Variants in TYRO3 observed in about 807,000 individuals in gnomAD.
TYRO3 encodes the protein tyrosine-protein kinase receptor TYRO3.
Under a neutral mutation model 95.2 loss-of-function variants are expected in TYRO3, and 38 were observed. The observed-to-expected ratio is 0.40, with a 90% CI of 0.31 to 0.52. TYRO3 has a LOEUF of 0.52. TYRO3 is among the 20% of genes least tolerant of loss of function. The pLI, the probability that TYRO3 is intolerant of heterozygous loss-of-function variation, is 0.56. For synonymous variants in TYRO3, 367 were observed against 432.9 expected (o/e 0.85, Z 1.89); for missense variants, 812 against 1,116.4 (o/e 0.73, Z 3.89).
At position 41,573,732 on chromosome 15, in the gene TYRO3, T is replaced by C; in HGVS notation, c.2199T>C (p.Tyr733=). 1.2e-6 allele frequency: 2 copies of C among 1,614,274 alleles called. No individual in the cohort carries two copies. The highest frequency in any genetic ancestry group is 1.1e-5 in the South Asian group (1 of 91,090). ...WEIMTRGQTP[Y]AGIENAEIYN... ...TCATGACACGTGGGCAGACGCCATA[T>C]GCTGGCATCGAAAACGCTGAGATTT... The change falls in exon 18 of 19, where the codon TAT becomes TAC. Residue 733 remains tyrosine (Y), a synonymous_variant. Coordinates refer to ENST00000263798, the MANE Select transcript of TYRO3 (RefSeq NM_006293.4).
At chr15:41,571,549 G>A in intron 13 of TYRO3, 46 bp from the exon 14 acceptor site, 1 of 1,348,278 alleles carries the variant, frequency 7.4e-7, no homozygotes, top group Non-Finnish European at 1.1e-6. Context: ...TCAAAACTAG[G>A]GGCACATCTT....
chr15:41,580,316 CTGACCAACATGG>C lies in TYRO3; in HGVS notation c.*2045_*2056del, dbSNP rs1360597448. On this transcript the variant is annotated 3_prime_UTR_variant, in exon 19 of 19. Transcript: ENST00000263798. ...ACGAGGTCAGAAGTTCAAGACTAGT[CTGACCAACATGG>C]TGACACCCCGTCTTTACTAAAAATA... 6.6e-6 allele frequency: 1 copy of C among 151,168 alleles called. No individual in the cohort carries two copies. The highest frequency in any genetic ancestry group is 2.0e-4 in the East Asian group (1 of 5,072). The allele number at this position is 151,168 out of a possible 1,614,324, so 9.4% of individuals were successfully genotyped here.
At position 41,562,671 on chromosome 15, in the gene TYRO3, C is replaced by T. The variant is rs142723750; in HGVS notation, c.533C>T (p.Thr178Met). ...PVTIVWWRGTTKIGGPAPSPS... is the reference protein window; with the variant it reads ...PVTIVWWRGTMKIGGPAPSPS... ...ACCATTGTCTGGTGGAGAGGAACTACGAAGATCGGGGGACCCGCTCCCTCT... is the reference window on the plus strand; with the variant it reads ...ACCATTGTCTGGTGGAGAGGAACTATGAAGATCGGGGGACCCGCTCCCTCT... The change falls in exon 4 of 19, where the codon ACG (threonine) becomes ATG (methionine). Residue 178 changes from threonine to methionine, a missense_variant. By Grantham distance (81) the Thr-to-Met change is moderately conservative (BLOSUM62 -1). Coordinates refer to ENST00000263798, the MANE Select transcript of TYRO3 (RefSeq NM_006293.4). The T allele has an allele frequency of 5.1e-5, 83 of 1,614,032 alleles. No individual in the cohort carries two copies. The highest frequency in any genetic ancestry group is 3.3e-5 in the South Asian group (3 of 91,074).
At chr15:41,574,839 C>T in intron 18 of TYRO3, 1 of 429,774 alleles carries the variant, frequency 2.3e-6, no homozygotes, top group Admixed American at 2.5e-5. Context: ...CCCTCCCCAG[C>T]CTTCCAAGTA....
At chr15:41,572,199 A>T (rs2055805324) in intron 14 of TYRO3, among the ~76,000 whole-genome samples, 1 of 152,200 alleles carries the variant, frequency 6.6e-6, no homozygotes, top group Non-Finnish European at 1.5e-5. Context: ...CTGTTTCAGA[A>T]AAAACAAAGA....
At chr15:41,570,429 G>A in intron 11 of TYRO3, 89 bp downstream of exon 11, 1 of 1,476,376 alleles carries the variant, frequency 6.8e-7, no homozygotes, top group Admixed American at 1.7e-5. Flanking sequence ...TGACTGATAT[G>A]TCTGAACATC....
rs1183744856 is a variant in TYRO3 at position 41,577,875 on chromosome 15, C to G, written c.2283-11C>G. On this transcript the variant is annotated splice_polypyrimidine_tract_variant and intron_variant, in intron 18 of 18. Transcript: ENST00000263798. ...GGCTCCTGCCTTTTCTCACGCTTCT[C>G]TCCACCCCAGGTATGATCTCATGTA... The G allele has an allele frequency of 8.1e-7, 1 of 1,238,562 alleles. No homozygotes were observed. Among genetic ancestry groups the G allele is most frequent in the Non-Finnish European group, 1.1e-6 (1 of 904,170 alleles). 76.7% of individuals were successfully genotyped at this position (1,238,562 alleles called of 1,614,324 possible).
At position 41,573,568 on chromosome 15, in the gene TYRO3, C is replaced by T. The variant is rs552160189; in HGVS notation, c.2145+101C>T. On this transcript the variant is annotated intron_variant, in intron 17 of 18. Transcript: ENST00000263798. ...AAGTCTGCTCTCTGGGGTTTGGTTG[C>T]CCCCTGATGAGGCCCTGAGCCCCAG... The T allele has an allele frequency of 2.8e-5, 41 of 1,466,656 alleles. 1 individual carries two copies. The South Asian group carries it at 4.4e-4, about 16-fold the overall frequency. The allele number at this position is 1,466,656 out of a possible 1,614,324, so 90.9% of individuals were successfully genotyped here.
chr15:41,578,626 C>G lies in TYRO3; in HGVS notation c.*350C>G, dbSNP rs576025655. Reference sequence around the variant, plus strand: ...GCAGGTCCAGCTCTGTGGGCCCTACCCTCCTGCTGAGCTGCCCCTGCTGCT... The same window carrying G: ...GCAGGTCCAGCTCTGTGGGCCCTACGCTCCTGCTGAGCTGCCCCTGCTGCT... On this transcript the variant is annotated 3_prime_UTR_variant, in exon 19 of 19. Coordinates refer to ENST00000263798, the MANE Select transcript of TYRO3 (RefSeq NM_006293.4). 202 of 353,108 alleles carry G rather than the reference C, an allele frequency of 5.7e-4. No homozygotes were observed. Among genetic ancestry groups the G allele is most frequent in the African/African-American group, 3.5e-3 (168 of 47,540 alleles). 21.9% of individuals were successfully genotyped at this position (353,108 alleles called of 1,614,324 possible). A position where few individuals can be genotyped will look rare whatever the true frequency, so the allele number is the denominator to read the frequency against.
intron 16 of TYRO3, 21 bp downstream of exon 16, chr15:41,573,132 G>C: frequency 9.9e-7 from 1 of 1,009,612 alleles, no homozygotes; most frequent in Non-Finnish European, 1.5e-6. Context: ...TGGAGGACTC[G>C]AGGGTGGGAG....
intron 9 of TYRO3, among the ~76,000 whole-genome samples, chr15:41,569,730 GC>G (rs1309208316): frequency 6.6e-6 from 1 of 152,210 alleles, no homozygotes. Context: ...CTGTGCCCCT[GC>G]ACTCTGGCCT....
chr15:41,576,104 CAAAAA>C (rs397853986), intron 18 of TYRO3, among the ~76,000 whole-genome samples: 1 of 102,098 alleles, frequency 9.8e-6, no homozygotes, highest in Non-Finnish European at 1.9e-5. Context: ...AACTCCATCT[CAAAAA>C]AAAAAAAAAA....
chr15:41,569,364 G>A (rs899886907), intron 9 of TYRO3, among the ~76,000 whole-genome samples: 2 of 151,654 alleles, frequency 1.3e-5, no homozygotes, highest in African/African-American at 4.8e-5. Flanking sequence ...AGCTGCTCCA[G>A]AGGCTGAGGC....
chr15:41,569,123 T>C (rs1027582388), intron 9 of TYRO3, 101 bp downstream of exon 9: 4 of 1,396,324 alleles, frequency 2.9e-6, no homozygotes, highest in South Asian at 2.6e-5. Context: ...CCCCTCCTAG[T>C]AGACCCACAG....
At chr15:41,569,065 A>C (rs768292494) in intron 9 of TYRO3, 43 bp downstream of exon 9, 1 of 1,608,296 alleles carries the variant, frequency 6.2e-7, no homozygotes, top group Non-Finnish European at 8.5e-7. Context: ...CAGGGGATCA[A>C]GGTTTTCAAG....
chr15:41,572,015 A>G (rs2055802760), intron 14 of TYRO3, among the ~76,000 whole-genome samples: 1 of 151,730 alleles, frequency 6.6e-6, no homozygotes, highest in Non-Finnish European at 1.5e-5. Context: ...AAAACAAAAC[A>G]AAAAACATAC....
At chr15:41,577,849 G>C (rs1315938149) in intron 18 of TYRO3, 37 bp from the exon 19 acceptor site, 2 of 1,377,240 alleles carry the variant, frequency 1.5e-6, no homozygotes, top group Non-Finnish European at 2.0e-6. Flanking sequence ...TTTGAGGGAA[G>C]GGCTCCTGCC....
chr15:41,567,774 A>C (rs1312142224), intron 7 of TYRO3, among the ~76,000 whole-genome samples: 2 of 152,098 alleles, frequency 1.3e-5, no homozygotes, highest in Non-Finnish European at 2.9e-5. Context: ...GGTTAAGGAA[A>C]CCCCCCCTAA....
intron 9 of TYRO3, among the ~76,000 whole-genome samples, chr15:41,569,731 C>T (rs1013604244): frequency 6.6e-6 from 1 of 152,252 alleles, no homozygotes; most frequent in Admixed American, 6.5e-5. Context: ...TGTGCCCCTG[C>T]ACTCTGGCCT....
Sources: allele counts gnomAD v4.1 joint callset (sites outside exome capture counted in the v4.1 genomes callset), GRCh38; gene constraint gnomAD v4.1.1; transcripts MANE v1.5; gene names NCBI Gene and HGNC (gene_info 2026-07-23, HGNC 2026-07-21).